Variants in PLCB1 observed in about 807,000 individuals in gnomAD.
PLCB1 encodes 1-phosphatidylinositol 4,5-bisphosphate phosphodiesterase beta-1.
In PLCB1, 46 loss-of-function variants were observed where a neutral mutation model predicts 161.8. That is an observed-to-expected ratio of 0.28 (90% CI 0.22 to 0.36). The LOEUF (loss-of-function observed/expected upper bound fraction) is 0.36, where lower values mean the gene tolerates loss of function less well. Ranked by LOEUF, PLCB1 falls within the 10% of genes least tolerant of loss-of-function variation. The pLI, the probability that PLCB1 is intolerant of heterozygous loss-of-function variation, is 1.00. For synonymous variants in PLCB1, 517 were observed against 503.7 expected (o/e 1.03, Z -0.35); for missense variants, 1,016 against 1,472.5 (o/e 0.69, Z 5.07).
chr20:8,471,241 T>C (rs1982039899), intron 3 of PLCB1, among the ~76,000 whole-genome samples: 1 of 152,080 alleles, frequency 6.6e-6, no homozygotes, highest in Non-Finnish European at 1.5e-5. Context: ...CGGGATGGAG[T>C]GTTTTAACTC....
intron 28 of PLCB1, 24 bp from the exon 29 acceptor site, chr20:8,788,609 C>G (rs1983603688): frequency 3.1e-6 from 5 of 1,596,324 alleles, no homozygotes; most frequent in Non-Finnish European, 4.3e-6. Flanking sequence ...TCTTTTTTCT[C>G]TTTTACTTCC....
chr20:8,327,031 G>A (rs920034710), intron 2 of PLCB1, among the ~76,000 whole-genome samples: 4 of 152,168 alleles, frequency 2.6e-5, no homozygotes, highest in Non-Finnish European at 5.9e-5. Flanking sequence ...GACTACAGGC[G>A]TGCGCCACCA....
At chr20:8,392,329 G>T (rs958928741) in intron 3 of PLCB1, among the ~76,000 whole-genome samples, 1 of 152,014 alleles carries the variant, frequency 6.6e-6, no homozygotes, top group East Asian at 1.9e-4. Context: ...ACCTGTCTAC[G>T]CCTTGATTTT....
At chr20:8,477,522 A>G (rs1982331333) in intron 3 of PLCB1, among the ~76,000 whole-genome samples, 1 of 152,196 alleles carries the variant, frequency 6.6e-6, no homozygotes, top group African/African-American at 2.4e-5. Context: ...GCTTTGTTGT[A>G]AAAGAATATC....
intron 3 of PLCB1, among the ~76,000 whole-genome samples, chr20:8,378,628 T>G (rs1242692870): frequency 6.6e-6 from 1 of 152,218 alleles, no homozygotes; most frequent in Non-Finnish European, 1.5e-5. Context: ...ATTAGGGTAG[T>G]GGTGACAATT....
intron 2 of PLCB1, among the ~76,000 whole-genome samples, chr20:8,268,846 A>T (rs77924075): frequency 0.25 from 37,273 of 151,400 alleles, 4,677 homozygotes; most frequent in Non-Finnish European, 0.28. Context: ...TATTTTTTTT[A>T]AATTCTCAAT....
chr20:8,477,145 C>T lies in PLCB1; in HGVS notation c.246+105695C>T, dbSNP rs111293869. The stretch of plus-strand genomic sequence containing the variant: ...ATGAGTAGTCTCTAGACCAGCAGCA[C>T]CTGCAAGCTTATGAGCCATACAGAA... On this transcript the variant is annotated intron_variant, in intron 3 of 31. Transcript: ENST00000338037. 6.8e-3 allele frequency among the ~76,000 whole-genome samples: 1,030 copies of T among 152,246 alleles called. 5 individuals are homozygous for T. Among genetic ancestry groups the T allele is most frequent in the Non-Finnish European group, 0.012 (805 of 68,016 alleles).
At chr20:8,497,228 T>C (rs1004652472) in intron 3 of PLCB1, among the ~76,000 whole-genome samples, 9 of 152,210 alleles carry the variant, frequency 5.9e-5, no homozygotes, top group Non-Finnish European at 1.2e-4. Context: ...AAAATCTACC[T>C]CTTATCTTGG....
chr20:8,694,533 C>A (rs1444848074), intron 10 of PLCB1, among the ~76,000 whole-genome samples: 1 of 152,116 alleles, frequency 6.6e-6, no homozygotes, highest in Non-Finnish European at 1.5e-5. Flanking sequence ...CATCAAATTC[C>A]TTCTCATTGT....
At chr20:8,263,715 A>G (rs957108427) in intron 2 of PLCB1, among the ~76,000 whole-genome samples, 5 of 152,184 alleles carry the variant, frequency 3.3e-5, no homozygotes, top group African/African-American at 1.2e-4. Context: ...GTAAGTATTC[A>G]TGTATCTAAA....
chr20:8,249,206 G>A (rs1981023438), intron 2 of PLCB1, among the ~76,000 whole-genome samples: 1 of 151,956 alleles, frequency 6.6e-6, no homozygotes, highest in African/African-American at 2.4e-5. Context: ...ATAAGAAATA[G>A]AGTTATTTAA....
In PLCB1 at chr20:8,685,096, C is replaced by A; in HGVS notation, c.1009+18C>A. 2.5e-6 allele frequency: 4 copies of A among 1,609,608 alleles called. 1 individual carries two copies. The South Asian group carries it at 4.4e-5, about 18-fold the overall frequency. On this transcript the variant is annotated intron_variant, in intron 10 of 31. Transcript: ENST00000338037. ...CCTCACAGGTATGAATTTTCTAGTT[C>A]TTTGTTACTTTAGCCAGTCTCACCA...
chr20:8,245,754 A>G (rs1980847673), intron 2 of PLCB1, among the ~76,000 whole-genome samples: 4 of 151,948 alleles, frequency 2.6e-5, no homozygotes. Context: ...GAGCATTGCC[A>G]TTGTTAACAA....
intron 2 of PLCB1, among the ~76,000 whole-genome samples, chr20:8,155,090 T>C (rs939872119): frequency 6.6e-6 from 1 of 152,200 alleles, no homozygotes; most frequent in Non-Finnish European, 1.5e-5. Flanking sequence ...AGCTGACATT[T>C]CACTACCTGG....
At chr20:8,846,416 T>C (rs1038423256) in intron 31 of PLCB1, among the ~76,000 whole-genome samples, 2 of 152,076 alleles carry the variant, frequency 1.3e-5, no homozygotes, top group African/African-American at 4.8e-5. Flanking sequence ...AGCACAACAC[T>C]GGTACAACCT....
At chr20:8,615,123 A>G (rs1258764438) in intron 3 of PLCB1, among the ~76,000 whole-genome samples, 3 of 152,200 alleles carry the variant, frequency 2.0e-5, no homozygotes, top group African/African-American at 7.2e-5. Flanking sequence ...TGTTGTATTT[A>G]TATCTAATAC....
At chr20:8,363,181 A>T (rs956300394) in intron 2 of PLCB1, among the ~76,000 whole-genome samples, 1 of 152,148 alleles carries the variant, frequency 6.6e-6, no homozygotes, top group East Asian at 1.9e-4. Context: ...TTAGTTATCT[A>T]TTGCTTCATA....
At position 8,608,968 on chromosome 20, in the gene PLCB1, A is replaced by T. The variant is rs146298990; in HGVS notation, c.247-19326A>T. Reference sequence around the variant, plus strand: ...TGAGATGTATAAATATAAGCATCTTAATCTTTTCAATATACCCTAGCAAAC... The same window carrying T: ...TGAGATGTATAAATATAAGCATCTTTATCTTTTCAATATACCCTAGCAAAC... On this transcript the variant is annotated intron_variant, in intron 3 of 31. Transcript: ENST00000338037. Among the ~76,000 whole-genome samples, 22 of 152,314 alleles carry T rather than the reference A, an allele frequency of 1.4e-4. No homozygotes were observed. The East Asian group carries it at 4.2e-3, about 29-fold the overall frequency.
At chr20:8,697,025 G>T (rs888620330) in intron 10 of PLCB1, among the ~76,000 whole-genome samples, 31 of 151,860 alleles carry the variant, frequency 2.0e-4, no homozygotes, top group African/African-American at 7.0e-4. Flanking sequence ...GAGCCACTGT[G>T]CCTGGCCTTA....
Sources: allele counts gnomAD v4.1 joint callset (sites outside exome capture counted in the v4.1 genomes callset), GRCh38; gene constraint gnomAD v4.1.1; transcripts MANE v1.5; gene names NCBI Gene and HGNC (gene_info 2026-07-23, HGNC 2026-07-21).